KCNJ3: variants seen among roughly 807,000 people sequenced by gnomAD.
The protein encoded by KCNJ3 is potassium inwardly rectifying channel subfamily J member 3.
In KCNJ3, 4 loss-of-function variants were observed where a neutral mutation model predicts 39.2. The ratio of observed to expected loss-of-function variants is 0.10; its 90% CI spans 0.05 to 0.23. The LOEUF (loss-of-function observed/expected upper bound fraction) is 0.23. Among genes scored for constraint, KCNJ3 ranks in the 10% least tolerant of loss-of-function variants. The pLI is 1.00. For missense variants in KCNJ3, 276 were observed against 634.9 expected, an observed-to-expected ratio of 0.43 and a Z score of 6.08; for synonymous variants, 230 against 237.4, an observed-to-expected ratio of 0.97 and a Z score of 0.29.
chr2:154,756,824 G>T (rs1322136784), intron 2 of KCNJ3, among the ~76,000 whole-genome samples: 1 of 151,934 alleles, frequency 6.6e-6, no homozygotes, highest in Middle Eastern at 3.4e-3. Context: ...TTTGTTTTCA[G>T]TTTAATTTAA....
At chr2:154,785,192 A>G (rs186308664) in intron 2 of KCNJ3, among the ~76,000 whole-genome samples, 2 of 152,174 alleles carry the variant, frequency 1.3e-5, no homozygotes, top group African/African-American at 2.4e-5. Flanking sequence ...TGGTAAAGTC[A>G]TTGTGTTAGT....
chr2:154,779,277 C>A (rs981923842), intron 2 of KCNJ3, among the ~76,000 whole-genome samples: 2 of 151,446 alleles, frequency 1.3e-5, no homozygotes, highest in African/African-American at 4.9e-5. Flanking sequence ...CTTGTGCAAA[C>A]AAATTATTGG....
intron 2 of KCNJ3, among the ~76,000 whole-genome samples, chr2:154,738,414 C>T (rs898922726): frequency 2.0e-5 from 3 of 151,854 alleles, no homozygotes; most frequent in Non-Finnish European, 4.4e-5. Flanking sequence ...TAATTTAATG[C>T]CTGTAACTGA....
chr2:154,785,996 C>G (rs933832360), intron 2 of KCNJ3, among the ~76,000 whole-genome samples: 1 of 152,152 alleles, frequency 6.6e-6, no homozygotes, highest in African/African-American at 2.4e-5. Context: ...AGACCTGTGA[C>G]TAAATGTCTG....
intron 2 of KCNJ3, among the ~76,000 whole-genome samples, chr2:154,730,826 C>G (rs1390326396): frequency 6.6e-6 from 1 of 152,040 alleles, no homozygotes; most frequent in Non-Finnish European, 1.5e-5. Flanking sequence ...CAGTAGATGG[C>G]TCTTCATCTA....
chr2:154,746,325 G>A (rs1685741664), intron 2 of KCNJ3, among the ~76,000 whole-genome samples: 1 of 151,776 alleles, frequency 6.6e-6, no homozygotes, highest in African/African-American at 2.4e-5. Flanking sequence ...ACTTGTGCCT[G>A]CATGGTAAGT....
rs568088443 is a variant in KCNJ3 at position 154,727,411 on chromosome 2, C to A, written c.919+17592C>A. ...GACCAACCTGACCAACATGGAGAAA[C>A]CCCGTCTCTACTAAAAAAAAAAAAT... On this transcript the variant is annotated intron_variant, in intron 2 of 2. Transcript: ENST00000295101. Among the ~76,000 whole-genome samples, 29 of 150,974 alleles carry A rather than the reference C, an allele frequency of 1.9e-4. No individual in the cohort carries two copies. The South Asian group carries it at 6.1e-3, about 32-fold the overall frequency.
At chr2:154,703,836 C>A (rs1281383114) in intron 1 of KCNJ3, among the ~76,000 whole-genome samples, 3 of 152,016 alleles carry the variant, frequency 2.0e-5, no homozygotes, top group African/African-American at 7.2e-5. Context: ...CAATTATTTA[C>A]CTCCCTTTCC....
chr2:154,767,974 A>G (rs1355185737), intron 2 of KCNJ3, among the ~76,000 whole-genome samples: 1 of 152,224 alleles, frequency 6.6e-6, no homozygotes, highest in African/African-American at 2.4e-5. Context: ...TGTTGGCTGC[A>G]TAAATGTCTT....
intron 2 of KCNJ3, among the ~76,000 whole-genome samples, chr2:154,791,640 A>G (rs766839550): frequency 1.1e-4 from 16 of 152,070 alleles, no homozygotes; most frequent in African/African-American, 1.9e-4. Flanking sequence ...TCTGAAATAG[A>G]TAAAGGATAA....
At chr2:154,702,233 A>G (rs1169734106) in intron 1 of KCNJ3, among the ~76,000 whole-genome samples, 1 of 151,984 alleles carries the variant, frequency 6.6e-6, no homozygotes, top group Non-Finnish European at 1.5e-5. Flanking sequence ...TTTAATGCAG[A>G]ATGTGTAGAA....
intron 2 of KCNJ3, among the ~76,000 whole-genome samples, chr2:154,835,421 T>TATATGAATATATAATATTCATGA (rs60016928): frequency 0.032 from 4,387 of 137,400 alleles, 205 homozygotes; most frequent in Admixed American, 0.049. Context: ...TTGCAGATTA[T>TATATGAATATATAATATTCATGA]ATATGAATAT....
At chr2:154,700,699 T>C (rs569588189) in intron 1 of KCNJ3, among the ~76,000 whole-genome samples, 53 of 152,328 alleles carry the variant, frequency 3.5e-4, no homozygotes, top group African/African-American at 1.2e-3. Flanking sequence ...CTTAATGTTG[T>C]AGTTAAAAGG....
chr2:154,848,448 A>G (rs1013354314), intron 2 of KCNJ3, among the ~76,000 whole-genome samples: 7 of 152,324 alleles, frequency 4.6e-5, no homozygotes, highest in South Asian at 2.1e-4. Flanking sequence ...TTTTATGTTT[A>G]TAATTAGCAA....
At chr2:154,830,560 C>A (rs1366339582) in intron 2 of KCNJ3, among the ~76,000 whole-genome samples, 1 of 151,978 alleles carries the variant, frequency 6.6e-6, no homozygotes, top group African/African-American at 2.4e-5. Flanking sequence ...TGGCTGAGAC[C>A]CAGCCAGTGC....
chr2:154,814,988 G>GTC (rs1299429843), intron 2 of KCNJ3, among the ~76,000 whole-genome samples: 3 of 152,192 alleles, frequency 2.0e-5, no homozygotes, highest in Non-Finnish European at 4.4e-5. Flanking sequence ...CTGTAAGTAG[G>GTC]TAAGACAGTT....
chr2:154,775,979 A>T (rs1325495049), intron 2 of KCNJ3, among the ~76,000 whole-genome samples: 7 of 151,384 alleles, frequency 4.6e-5, no homozygotes, highest in Non-Finnish European at 1.0e-4. Flanking sequence ...AACCTTTTTT[A>T]AAAAAGGAAC....
At chr2:154,772,580 G>A (rs1373184835) in intron 2 of KCNJ3, among the ~76,000 whole-genome samples, 4 of 151,934 alleles carry the variant, frequency 2.6e-5, no homozygotes, top group South Asian at 4.2e-4. Flanking sequence ...AATGCTGCAT[G>A]GTCATTTTAA....
chr2:154,712,935 G>A (rs533846821), intron 2 of KCNJ3, among the ~76,000 whole-genome samples: 1 of 152,214 alleles, frequency 6.6e-6, no homozygotes, highest in East Asian at 1.9e-4. Context: ...TCTGGGGGAA[G>A]AGCGTGGCAG....
Sources: allele counts gnomAD v4.1 joint callset (sites outside exome capture counted in the v4.1 genomes callset), GRCh38; gene constraint gnomAD v4.1.1; transcripts MANE v1.5; gene names NCBI Gene and HGNC (gene_info 2026-07-23, HGNC 2026-07-21).